Variants in COL20A1 observed in about 807,000 individuals in gnomAD.
COL20A1 encodes collagen alpha-1(XX) chain.
COL20A1 carries 164 observed loss-of-function variants against 152.9 expected under a neutral mutation model. The ratio of observed to expected loss-of-function variants is 1.07; its 90% CI spans 0.94 to 1.22. COL20A1 has a LOEUF of 1.22. Ranked by LOEUF, COL20A1 falls within the 50% of genes most tolerant of loss-of-function variation. The pLI, the probability that COL20A1 is intolerant of heterozygous loss-of-function variation, is 0.00. For missense variants in COL20A1, 1,873 were observed against 1,744.8 expected, an observed-to-expected ratio of 1.07 and a Z score of -1.31; for synonymous variants, 864 against 756.0, an observed-to-expected ratio of 1.14 and a Z score of -2.34.
At chr20:63,297,864 A>AT in intron 2 of COL20A1, 46 bp from the exon 3 acceptor site, 1 of 1,453,896 alleles carries the variant, frequency 6.9e-7, no homozygotes, top group Non-Finnish European at 9.6e-7. Context: ...GATTAGGTGG[A>AT]TGGGGAGGCC....
At position 63,307,589 on chromosome 20, in the gene COL20A1, A is replaced by G; in HGVS notation, c.596A>G (p.Lys199Arg). 1 of 1,612,674 alleles carries G rather than the reference A, an allele frequency of 6.2e-7. No individual in the cohort carries two copies. The highest frequency in any genetic ancestry group is 8.5e-7 in the Non-Finnish European group (1 of 1,179,736). The part of the protein sequence containing the change: ...SIGHSHFQQV[K>R]DFLASVIAPF... ...GGCCACAGTCACTTCCAGCAGGTCA[A>G]GGACTTCCTGGCCAGTGTCATCGCA... is the stretch of plus-strand genomic sequence containing the variant. Residue 199 changes from lysine to arginine, a missense_variant, in exon 6 of 36, where the codon AAG becomes AGG. By Grantham distance (26) the Lys-to-Arg change is conservative. Transcript: ENST00000358894.
chr20:63,312,106 C>T, intron 14 of COL20A1, 51 bp downstream of exon 14: 2 of 1,500,654 alleles, frequency 1.3e-6, no homozygotes, highest in South Asian at 1.3e-5. Context: ...ACCACAGGGC[C>T]CTGTCTGGCA....
intron 20 of COL20A1, 29 bp downstream of exon 20, chr20:63,315,468 C>T (rs1179366796): frequency 6.4e-7 from 1 of 1,550,924 alleles, no homozygotes; most frequent in Non-Finnish European, 8.7e-7. Flanking sequence ...CCCCTGCCTG[C>T]CCACCCACAG....
chr20:63,315,503 G>C (rs2123412351), intron 20 of COL20A1, 64 bp downstream of exon 20: 8 of 1,424,838 alleles, frequency 5.6e-6, no homozygotes, highest in South Asian at 2.6e-5. Flanking sequence ...CCTGGGCGTG[G>C]GGGCCAAGGG....
chr20:63,314,241 C>A (rs1328433400), intron 19 of COL20A1, 40 bp downstream of exon 19: 4 of 1,530,474 alleles, frequency 2.6e-6, no homozygotes, highest in Non-Finnish European at 3.5e-6. Flanking sequence ...GTAGACCCAG[C>A]CCCAGCCGGG....
chr20:63,310,301 C>G lies in COL20A1; in HGVS notation c.1264-80C>G, dbSNP rs961580251. ...TGCGGGCCCCAGCTGAGCTCACACT[C>G]CAGCTGACGGAGTTCCTGTCCTGCT... is the stretch of plus-strand genomic sequence containing the variant. On this transcript the variant is annotated intron_variant, in intron 10 of 35. Coordinates refer to ENST00000358894, the MANE Select transcript of COL20A1 (RefSeq NM_020882.4). 1.5e-5 allele frequency: 23 copies of G among 1,500,882 alleles called. No homozygotes were observed. The African/African-American group carries it at 2.9e-4, about 19-fold the overall frequency. The allele number at this position is 1,500,882 out of a possible 1,614,324, so 93.0% of individuals were successfully genotyped here.
chr20:63,329,488 T>A, intron 34 of COL20A1, 97 bp from the exon 35 acceptor site: 1 of 905,684 alleles, frequency 1.1e-6, no homozygotes, highest in South Asian at 1.4e-5. Context: ...CTGCTGCCTG[T>A]GCCCAGGGAG....
Position 63,307,492 on chromosome 20 carries a change from GGCCCCCAGTTCCGCTGCCT to G in COL20A1, c.506_524del (p.Gln169ProfsTer44), listed in dbSNP as rs777220429. The G allele has an allele frequency of 1.7e-5, 28 of 1,610,970 alleles. No individual in the cohort carries two copies. The highest frequency in any genetic ancestry group is 2.4e-5 in the Non-Finnish European group (28 of 1,179,170). The stretch of plus-strand genomic sequence containing the variant: ...CTGACCCGCTCCCACCGCCCCAGCC[GGCCCCCAGTTCCGCTGCCT>G]GCCCCCCGTGCCTGCTGACATGGTC... On this transcript the variant is annotated frameshift_variant, in exon 6 of 36. Transcript: ENST00000358894. LOFTEE classifies it high-confidence loss of function.
Position 63,311,924 on chromosome 20 carries a change from G to GC in COL20A1, c.1679dup (p.Arg561GlufsTer168), listed in dbSNP as rs761988638. 9.7e-6 allele frequency: 15 copies of GC among 1,553,522 alleles called. No individual in the cohort carries two copies. Among genetic ancestry groups the GC allele is most frequent in the Admixed American group, 3.8e-5 (2 of 52,440 alleles). ...TCTGCTGTGCTTTGCAGCCACCCTG[G>GC]CCCCCCCGAGACACCTGGGCTTCTC... is the stretch of plus-strand genomic sequence containing the variant. On this transcript the variant is annotated frameshift_variant, in exon 14 of 36. Coordinates refer to ENST00000358894, the MANE Select transcript of COL20A1 (RefSeq NM_020882.4). LOFTEE classifies it high-confidence loss of function. The surrounding 1 kb of genome is among the most constrained non-coding windows in gnomAD (Gnocchi z 4.4).
chr20:63,316,769 C>A, intron 21 of COL20A1, 78 bp downstream of exon 21: 6 of 826,856 alleles, frequency 7.3e-6, no homozygotes, highest in Non-Finnish European at 1.0e-5. Context: ...GGTGGGGGGG[C>A]GGGCATGGGC....
Position 63,305,671 on chromosome 20 carries a change from T to A in COL20A1, c.337+111T>A. On this transcript the variant is annotated intron_variant, in intron 4 of 35. Transcript: ENST00000358894. This position sits in a 1 kb window ranked among gnomAD's most constrained non-coding sequence, Gnocchi z 4.9. ...GCTGCGTTCCAGCCCCAGGGGTGGG[T>A]ATGTGTGAAGCAGTTCTGGGCTGTG... The A allele has an allele frequency of 7.7e-7, 1 of 1,291,416 alleles. No homozygotes were observed. The highest frequency in any genetic ancestry group is 1.1e-6 in the Non-Finnish European group (1 of 948,864). The allele number at this position is 1,291,416 out of a possible 1,614,324, so 80.0% of individuals were successfully genotyped here.
rs1424055651 is a variant in COL20A1, at chr20:63,321,095, C to T, written c.3236C>T (p.Pro1079Leu). Residue 1079 changes from proline to leucine, a missense_variant, in exon 26 of 36, where the codon CCC (proline) becomes CTC (leucine). By Grantham distance (98) the Pro-to-Leu change is moderately conservative (BLOSUM62 -3). Transcript: ENST00000358894. ...ETPGPPGPQG[P>L]PGLPGRNGTP... ...CCTGGGCCCCCAGGACCTCAAGGACCCCCAGTGAGTCCAGTGGCGTCTCCT... is the reference window on the plus strand; with the variant it reads ...CCTGGGCCCCCAGGACCTCAAGGACTCCCAGTGAGTCCAGTGGCGTCTCCT... The T allele has an allele frequency of 6.3e-7, 1 of 1,592,898 alleles. No homozygotes were observed. The highest frequency in any genetic ancestry group is 8.6e-7 in the Non-Finnish European group (1 of 1,169,536).
intron 19 of COL20A1, among the ~76,000 whole-genome samples, 171 bp from the exon 20 acceptor site, chr20:63,315,233 G>A (rs2068069165): frequency 6.6e-6 from 1 of 152,286 alleles, no homozygotes. Context: ...TTTCTGGGAG[G>A]CGTGGGGACC....
Position 63,325,486 on chromosome 20 carries a change from G to A in COL20A1, c.3340G>A (p.Gly1114Ser). 6.2e-7 allele frequency: 1 copy of A among 1,612,834 alleles called. No individual in the cohort carries two copies. Among genetic ancestry groups the A allele is most frequent in the Non-Finnish European group, 8.5e-7 (1 of 1,179,612 alleles). The change falls in exon 28 of 36, where the codon GGC becomes AGC. Residue 1114 changes from glycine to serine, a missense_variant. Coordinates refer to ENST00000358894, the MANE Select transcript of COL20A1 (RefSeq NM_020882.4). ...KGEKGDHGLP[G>S]LQGHPGHQGI... ...AGAGAAGGGAGACCATGGGCTTCCA[G>A]GCTTGCAGGTAGTGTGGCTGGGGCC...
chr20:63,323,384 A>G (rs868242544), intron 27 of COL20A1, among the ~76,000 whole-genome samples: 15 of 152,170 alleles, frequency 9.9e-5, no homozygotes, highest in African/African-American at 3.1e-4. Flanking sequence ...GCTCTGTTCT[A>G]TGGCTTCTGA....
At chr20:63,326,540 C>T (rs1459109026) in intron 30 of COL20A1, among the ~76,000 whole-genome samples, 1 of 152,110 alleles carries the variant, frequency 6.6e-6, no homozygotes, top group Non-Finnish European at 1.5e-5. Flanking sequence ...GCTGACAGTG[C>T]TGGAGGAGGG....
At position 63,307,486 on chromosome 20, in the gene COL20A1, C is replaced by A. The variant is rs751664618; in HGVS notation, c.497-4C>A. 11 of 1,610,332 alleles carry A rather than the reference C, an allele frequency of 6.8e-6. No homozygotes were observed. In the South Asian group the frequency reaches 1.2e-4, roughly 18 times the overall value. On this transcript the variant is annotated splice_region_variant and splice_polypyrimidine_tract_variant and intron_variant, in intron 5 of 35. Transcript: ENST00000358894. ...TAGCACCTGACCCGCTCCCACCGCC[C>A]CAGCCGGCCCCCAGTTCCGCTGCCT...
chr20:63,329,738 G>A, intron 35 of COL20A1, 77 bp downstream of exon 35: 1 of 1,042,338 alleles, frequency 9.6e-7, no homozygotes, highest in Non-Finnish European at 1.4e-6. Context: ...GGGCCAACGG[G>A]TGGGGCCTCA....
intron 26 of COL20A1, among the ~76,000 whole-genome samples, chr20:63,321,614 C>T (rs1308391033): frequency 6.6e-6 from 1 of 152,190 alleles, no homozygotes; most frequent in Non-Finnish European, 1.5e-5. Context: ...GCTATACGGG[C>T]CCTCTACCCA....
Sources: gnomAD v4.1 joint callset for allele counts (sites outside exome capture counted in the v4.1 genomes callset) on GRCh38, gnomAD v4.1.1 for gene constraint, Gnocchi (gnomAD v3.1) non-coding constraint, MANE v1.5 for transcripts, NCBI Gene and HGNC (gene_info 2026-07-23, HGNC 2026-07-21) for gene names.